Variants in NFATC3 observed in about 807,000 individuals in gnomAD.
NFATC3 encodes the protein nuclear factor of activated T cells 3.
NFATC3 carries 46 observed loss-of-function variants against 98.6 expected under a neutral mutation model. That is an observed-to-expected ratio of 0.47 (90% CI 0.37 to 0.60). The LOEUF (loss-of-function observed/expected upper bound fraction) is 0.60. Among genes scored for constraint, NFATC3 ranks in the 20% least tolerant of loss-of-function variants. NFATC3 has a pLI of 0.00. For missense variants in NFATC3, 1,256 were observed against 1,295.5 expected, an observed-to-expected ratio of 0.97 and a Z score of 0.47; for synonymous variants, 512 against 472.2, an observed-to-expected ratio of 1.08 and a Z score of -1.09.
intron 1 of NFATC3, among the ~76,000 whole-genome samples, chr16:68,087,948 C>CT (rs1159976813): frequency 6.6e-6 from 1 of 152,090 alleles, no homozygotes; most frequent in Non-Finnish European, 1.5e-5. Context: ...AATAGTGCTG[C>CT]TATGAACACA....
chr16:68,098,752 T>G (rs185817716), intron 1 of NFATC3, among the ~76,000 whole-genome samples: 3 of 152,346 alleles, frequency 2.0e-5, no homozygotes, highest in Admixed American at 1.3e-4. Flanking sequence ...TGTAGTGTTA[T>G]CTTCTGTAGG....
chr16:68,213,806 G>A (rs763557699), intron 9 of NFATC3, among the ~76,000 whole-genome samples: 1 of 152,186 alleles, frequency 6.6e-6, no homozygotes, highest in East Asian at 1.9e-4. Context: ...TCCAGCCTGG[G>A]TGACAGAGTG....
At chr16:68,124,472 GC>G (rs2036729713) in intron 2 of NFATC3, among the ~76,000 whole-genome samples, 2 of 144,664 alleles carry the variant, frequency 1.4e-5, no homozygotes, top group Admixed American at 7.1e-5. Context: ...TCGCTCTGTT[GC>G]CCAGGCTGGA....
intron 3 of NFATC3, among the ~76,000 whole-genome samples, chr16:68,153,125 C>T (rs945197332): frequency 3.9e-5 from 6 of 152,124 alleles, no homozygotes; most frequent in Admixed American, 3.3e-4. Context: ...AACTGGGTAC[C>T]GTGGCTCACG....
At position 68,192,261 on chromosome 16, in the gene NFATC3, G is replaced by GTATA. The variant is rs71382034; in HGVS notation, c.3106+494_3106+497dup. 11 of 101,398 alleles carry GTATA rather than the reference G, an allele frequency of 1.1e-4. No individual in the cohort carries two copies. In the East Asian group the frequency reaches 1.2e-3, roughly 11 times the overall value. 6.3% of individuals were successfully genotyped at this position (101,398 alleles called of 1,614,324 possible). ...TATATATATATATATATATGTATGT[G>GTATA]TATATATATATGTATGTGTATATAT... On this transcript the variant is annotated intron_variant, in intron 9 of 9. Transcript: ENST00000346183.
At chr16:68,176,699 C>T (rs2151617484) in intron 6 of NFATC3, among the ~76,000 whole-genome samples, 1 of 152,278 alleles carries the variant, frequency 6.6e-6, no homozygotes, top group African/African-American at 2.4e-5. Context: ...ATTTCATTTA[C>T]TATGCAATAA....
chr16:68,096,163 T>C (rs1326595309), intron 1 of NFATC3, among the ~76,000 whole-genome samples: 1 of 152,040 alleles, frequency 6.6e-6, no homozygotes, highest in Non-Finnish European at 1.5e-5. Context: ...ACGGAGTCTT[T>C]CTGTGTTGCC....
At position 68,201,631 on chromosome 16, in the gene NFATC3, TTTTG is replaced by T. The variant is rs377420883; in HGVS notation, c.3106+9864_3106+9867del. On this transcript the variant is annotated intron_variant, in intron 9 of 9. Coordinates refer to ENST00000346183, the MANE Select transcript of NFATC3 (RefSeq NM_173165.3). ...TTCAGTGTGGTAATTGATACTGTTT[TTTTG>T]TTTGTTTCTTTTAAAAAAAAGAAAG... Among the ~76,000 whole-genome samples the T allele has an allele frequency of 3.6e-3, 541 of 151,790 alleles. 6 individuals carry two copies. The highest frequency in any genetic ancestry group is 0.012 in the African/African-American group (498 of 41,392).
chr16:68,106,771 G>A (rs758536663), intron 1 of NFATC3, among the ~76,000 whole-genome samples: 28 of 150,964 alleles, frequency 1.9e-4, no homozygotes, highest in Non-Finnish European at 3.5e-4. Context: ...TTAATTTTAA[G>A]TTCTTGGATA....
intron 3 of NFATC3, among the ~76,000 whole-genome samples, chr16:68,147,332 AAT>A (rs1391772080): frequency 2.0e-5 from 3 of 152,178 alleles, no homozygotes; most frequent in African/African-American, 7.2e-5. Context: ...GAGCTACTTT[AAT>A]GCCTATAATT....
rs147655434 is a variant in NFATC3 at position 68,180,555 on chromosome 16, G to A, written c.1916-920G>A. Among the ~76,000 whole-genome samples the A allele has an allele frequency of 8.1e-4, 123 of 152,050 alleles. No homozygotes were observed. The East Asian group carries it at 9.1e-3, about 11-fold the overall frequency. ...TAGGGTACATATGCACAACTTGCAGGTTTGTTACATAGGTGTAGATGTGCC... is the reference window on the plus strand; with the variant it reads ...TAGGGTACATATGCACAACTTGCAGATTTGTTACATAGGTGTAGATGTGCC... On this transcript the variant is annotated intron_variant, in intron 6 of 9. Coordinates refer to ENST00000346183, the MANE Select transcript of NFATC3 (RefSeq NM_173165.3).
Position 68,191,107 on chromosome 16 carries a change from G to A in NFATC3, c.2438G>A (p.Gly813Glu), listed in dbSNP as rs527772283. 1.2e-6 allele frequency: 2 copies of A among 1,614,164 alleles called. No individual in the cohort carries two copies. Among genetic ancestry groups the A allele is most frequent in the Admixed American group, 1.7e-5 (1 of 60,014 alleles). ...QPMQTNVVYN[G>E]PTCLPINAAS... ...ATGCAAACTAATGTTGTGTACAATG[G>A]ACCAACTTGTCTTCCTATTAATGCT... Residue 813 changes from glycine (G) to glutamate (E), a missense_variant, in exon 9 of 10, where the codon GGA becomes GAA. This residue lies in a region of NFATC3 where 636 missense variants were observed against 617.3 expected (regional missense o/e 1.03). Transcript: ENST00000346183.
intron 2 of NFATC3, among the ~76,000 whole-genome samples, chr16:68,126,016 C>T (rs1204225572): frequency 6.6e-6 from 1 of 152,008 alleles, no homozygotes; most frequent in Non-Finnish European, 1.5e-5. Flanking sequence ...CCTTAGCCTC[C>T]CTAGTAGCTG....
intron 3 of NFATC3, among the ~76,000 whole-genome samples, chr16:68,149,820 A>G (rs1265323425): frequency 6.6e-6 from 1 of 152,216 alleles, no homozygotes; most frequent in Non-Finnish European, 1.5e-5. Context: ...TAAAATAGAA[A>G]CAGAAAATGA....
intron 2 of NFATC3, 54 bp from the exon 3 acceptor site, chr16:68,126,394 A>G (rs2036837429): frequency 2.0e-6 from 3 of 1,530,380 alleles, no homozygotes; most frequent in Non-Finnish European, 2.7e-6. Flanking sequence ...CATTTGAATC[A>G]TTGCTTGGCA....
chr16:68,166,815 A>G, intron 4 of NFATC3, 28 bp from the exon 5 acceptor site: 1 of 1,555,774 alleles, frequency 6.4e-7, no homozygotes, highest in East Asian at 2.3e-5. Context: ...TCAATAAACA[A>G]ATTAAATTTT....
At chr16:68,117,468 C>G (rs2036341458) in intron 1 of NFATC3, among the ~76,000 whole-genome samples, 2 of 152,194 alleles carry the variant, frequency 1.3e-5, no homozygotes. Context: ...TGCCTCCTTA[C>G]TCAGGAGTAA....
At chr16:68,134,581 A>C (rs1016042780) in intron 3 of NFATC3, among the ~76,000 whole-genome samples, 7 of 152,064 alleles carry the variant, frequency 4.6e-5, no homozygotes, top group Middle Eastern at 3.2e-3. Context: ...TGTATTGACT[A>C]GGATTTCTGA....
At chr16:68,202,300 C>A (rs941383303) in intron 9 of NFATC3, among the ~76,000 whole-genome samples, 2 of 152,032 alleles carry the variant, frequency 1.3e-5, no homozygotes, top group African/African-American at 4.8e-5. Context: ...CTAGTCATGA[C>A]CTCAGCTGCT....
Sources: gnomAD v4.1 joint callset for allele counts (sites outside exome capture counted in the v4.1 genomes callset) on GRCh38, gnomAD v4.1.1 for gene constraint, gnomAD v4.1.1 regional missense constraint, MANE v1.5 for transcripts, NCBI Gene and HGNC (gene_info 2026-07-23, HGNC 2026-07-21) for gene names.